NOVA1: variants seen among roughly 807,000 people sequenced by gnomAD.
NOVA1 encodes the protein NOVA alternative splicing regulator 1.
NOVA1 carries 7 observed loss-of-function variants against 38.0 expected under a neutral mutation model. The ratio of observed to expected loss-of-function variants is 0.18; its 90% CI spans 0.10 to 0.35. NOVA1 has a LOEUF of 0.35. Among genes scored for constraint, NOVA1 ranks in the 10% least tolerant of loss-of-function variants. The pLI is 1.00. For missense variants in NOVA1, 460 were observed against 616.0 expected (o/e 0.75, Z 2.68); for synonymous variants, 270 against 232.5 (o/e 1.16, Z -1.47).
chr14:26,586,512 A>G (rs1893521829), intron 2 of NOVA1, among the ~76,000 whole-genome samples: 3 of 151,320 alleles, frequency 2.0e-5, no homozygotes, highest in South Asian at 4.1e-4. Context: ...AAAAGTCATA[A>G]AAACATGAAA....
In NOVA1 at chr14:26,470,292, C is replaced by G. The variant is rs555058918; in HGVS notation, c.519+2028G>C. The G allele has an allele frequency of 1.0e-5, 14 of 1,358,492 alleles. No homozygotes were observed. The South Asian group carries it at 1.8e-4, about 18-fold the overall frequency. The allele number at this position is 1,358,492 out of a possible 1,614,324, so 84.2% of individuals were successfully genotyped here. A position where few individuals can be genotyped will look rare whatever the true frequency, so the allele number is the denominator to read the frequency against. ...ATTAATCAGGACTATTGACAAGAAA[C>G]AAATGAACAACAAAAAACACATTTC... is the stretch of plus-strand genomic sequence containing the variant. On this transcript the variant is annotated intron_variant, in intron 4 of 4. Transcript: ENST00000539517.
intron 2 of NOVA1, among the ~76,000 whole-genome samples, chr14:26,548,003 T>G (rs911403196): frequency 5.9e-5 from 9 of 152,084 alleles, no homozygotes; most frequent in Non-Finnish European, 1.2e-4. Flanking sequence ...TATGCTTCCA[T>G]GATGAATAAG....
chr14:26,480,190 T>C, intron 2 of NOVA1, 47 bp from the exon 3 acceptor site: 2 of 1,518,240 alleles, frequency 1.3e-6, no homozygotes, highest in Non-Finnish European at 1.8e-6. Flanking sequence ...CACTTTGCAT[T>C]AAAAAAATTA....
rs983634027 is a variant in NOVA1 at position 26,444,418 on chromosome 14, T to G, written c.*3541A>C. On this transcript the variant is annotated 3_prime_UTR_variant, in exon 5 of 5. Transcript: ENST00000539517. Reference sequence around the variant, plus strand: ...GACTTGCTAACCTCTGTTAACCATCTGAATGCGATGGAATAATCTATCTCT... The same window carrying G: ...GACTTGCTAACCTCTGTTAACCATCGGAATGCGATGGAATAATCTATCTCT... The G allele has an allele frequency of 7.9e-5, 12 of 152,162 alleles. No individual in the cohort carries two copies. Among genetic ancestry groups the G allele is most frequent in the Non-Finnish European group, 5.9e-5 (4 of 68,026 alleles). The allele number at this position is 152,162 out of a possible 1,614,324, so 9.4% of individuals were successfully genotyped here.
At chr14:26,547,247 AG>A (rs1258017649) in intron 2 of NOVA1, among the ~76,000 whole-genome samples, 1 of 152,106 alleles carries the variant, frequency 6.6e-6, no homozygotes, top group East Asian at 1.9e-4. Context: ...AGTATGAGGA[AG>A]GCCCTTTGAA....
At chr14:26,565,716 A>G (rs1307105809) in intron 2 of NOVA1, among the ~76,000 whole-genome samples, 3 of 152,146 alleles carry the variant, frequency 2.0e-5, no homozygotes, top group African/African-American at 7.2e-5. Context: ...ATACAAGCAA[A>G]TCACCAACAA....
chr14:26,514,721 T>C (rs943896238), intron 2 of NOVA1, among the ~76,000 whole-genome samples: 5 of 151,858 alleles, frequency 3.3e-5, no homozygotes, highest in Admixed American at 3.3e-4. Flanking sequence ...ACAGCCTTGA[T>C]TTATTTCATT....
At chr14:26,491,962 TAA>T (rs149513133) in intron 2 of NOVA1, among the ~76,000 whole-genome samples, 5 of 140,722 alleles carry the variant, frequency 3.6e-5, no homozygotes, top group Admixed American at 7.2e-5. Flanking sequence ...CCCATTTCTG[TAA>T]AAAAAAAAAA....
chr14:26,501,994 G>T (rs1332999099), intron 2 of NOVA1, among the ~76,000 whole-genome samples: 2 of 151,914 alleles, frequency 1.3e-5, no homozygotes, highest in Non-Finnish European at 2.9e-5. Flanking sequence ...AAATACTTCA[G>T]ATTAAACAAA....
intron 2 of NOVA1, among the ~76,000 whole-genome samples, chr14:26,553,333 C>T (rs538034271): frequency 3.2e-4 from 49 of 152,172 alleles, no homozygotes; most frequent in Non-Finnish European, 6.3e-4. Flanking sequence ...CTTCCTTATC[C>T]AGAAGTGCCT....
Position 26,597,792 on chromosome 14 carries a change from A to T in NOVA1, c.-356T>A. ...GAGCGGGAGGAGGGGACCGGGGAGG[A>T]CAGGCAGAGGGAGTGGGAGAGCGCG... On this transcript the variant is annotated 5_prime_UTR_variant, in exon 1 of 5. Transcript: ENST00000539517. 3 of 687,978 alleles carry T rather than the reference A, an allele frequency of 4.4e-6. No individual in the cohort carries two copies. Among genetic ancestry groups the T allele is most frequent in the Non-Finnish European group, 5.4e-6 (3 of 555,748 alleles). 42.6% of individuals were successfully genotyped at this position (687,978 alleles called of 1,614,324 possible).
chr14:26,536,108 T>C (rs542621793), intron 2 of NOVA1, among the ~76,000 whole-genome samples: 4 of 151,904 alleles, frequency 2.6e-5, no homozygotes, highest in East Asian at 1.9e-4. Flanking sequence ...AAGACAGGCA[T>C]AGAACGACAA....
At chr14:26,515,897 A>G (rs1014142992) in intron 2 of NOVA1, among the ~76,000 whole-genome samples, 3 of 152,106 alleles carry the variant, frequency 2.0e-5, no homozygotes, top group African/African-American at 7.2e-5. Flanking sequence ...TATACATAAA[A>G]AAGTACAAAA....
intron 2 of NOVA1, among the ~76,000 whole-genome samples, chr14:26,554,413 A>G (rs184221985): frequency 4.6e-5 from 7 of 152,292 alleles, no homozygotes; most frequent in African/African-American, 1.7e-4. Flanking sequence ...GAGAATGACT[A>G]GACTTCAACC....
intron 2 of NOVA1, among the ~76,000 whole-genome samples, chr14:26,503,901 C>T (rs1887432253): frequency 6.6e-6 from 1 of 151,864 alleles, no homozygotes; most frequent in South Asian, 2.1e-4. Context: ...AAATGAAGTG[C>T]CCTGGTATGT....
intron 1 of NOVA1, chr14:26,596,650 T>C (rs1894210096): frequency 7.8e-7 from 1 of 1,289,096 alleles, no homozygotes; most frequent in African/African-American, 1.5e-5. Flanking sequence ...CCGTTAAAAC[T>C]CATCTTCCAA....
chr14:26,587,308 T>TTA (rs374526855), intron 2 of NOVA1, among the ~76,000 whole-genome samples: 13 of 123,698 alleles, frequency 1.1e-4, no homozygotes, highest in South Asian at 4.7e-4. Context: ...CTAAAATATA[T>TTA]AAAAAAAAAA....
At chr14:26,529,746 G>A (rs1402346858) in intron 2 of NOVA1, among the ~76,000 whole-genome samples, 1 of 152,076 alleles carries the variant, frequency 6.6e-6, no homozygotes, top group Non-Finnish European at 1.5e-5. Flanking sequence ...CACTATAAAA[G>A]TATTTAGCTG....
intron 2 of NOVA1, among the ~76,000 whole-genome samples, chr14:26,488,940 A>G (rs1385350839): frequency 4.6e-5 from 7 of 152,162 alleles, no homozygotes; most frequent in Admixed American, 4.6e-4. Flanking sequence ...CCAGCTGGGA[A>G]AACAGTTTGC....
Sources: gnomAD v4.1 joint callset for allele counts (sites outside exome capture counted in the v4.1 genomes callset) on GRCh38, gnomAD v4.1.1 for gene constraint, MANE v1.5 for transcripts, NCBI Gene and HGNC (gene_info 2026-07-23, HGNC 2026-07-21) for gene names.